The following SURF2 variants were observed in gnomAD, a reference collection of about 807,000 sequenced individuals.
The protein encoded by SURF2 is surfeit locus protein 2.
Under a neutral mutation model 26.2 loss-of-function variants are expected in SURF2, and 32 were observed. The ratio of observed to expected loss-of-function variants is 1.22; its 90% CI spans 0.92 to 1.64. The LOEUF is 1.64. Among genes scored for constraint, SURF2 ranks in the 40% most tolerant of loss-of-function variants. SURF2 has a pLI of 0.00. For synonymous variants in SURF2, 173 were observed against 139.1 expected (o/e 1.24, Z -1.71); for missense variants, 415 against 341.6 (o/e 1.21, Z -1.69).
At chr9:133,357,164 T>A in intron 2 of SURF2, 96 bp downstream of exon 2, 1 of 1,372,004 alleles carries the variant, frequency 7.3e-7, no homozygotes. Context: ...CTTTCAGAGT[T>A]GGGAGCCCTG....
Position 133,356,847 on chromosome 9 carries a change from G to A in SURF2, c.79-67G>A, listed in dbSNP as rs1836613204. 6 of 1,474,448 alleles carry A rather than the reference G, an allele frequency of 4.1e-6. 1 individual carries two copies. The highest frequency in any genetic ancestry group is 5.4e-6 in the Non-Finnish European group (6 of 1,111,522). 91.3% of individuals were successfully genotyped at this position (1,474,448 alleles called of 1,614,324 possible). ...AGGGGAGGAGAGGGAAGGGGGCGCG[G>A]CAGGAGGGGGCACCAGGGAGCGGAG... On this transcript the variant is annotated intron_variant, in intron 1 of 5. Coordinates refer to ENST00000371964, the MANE Select transcript of SURF2 (RefSeq NM_017503.5).
rs1455145410 is a variant in SURF2 at position 133,356,723 on chromosome 9, A to C, written c.78+53A>C. 12 of 1,057,842 alleles carry C rather than the reference A, an allele frequency of 1.1e-5. No individual in the cohort carries two copies. The Admixed American group carries it at 2.9e-4, about 26-fold the overall frequency. The allele number at this position is 1,057,842 out of a possible 1,614,324, so 65.5% of individuals were successfully genotyped here. On this transcript the variant is annotated intron_variant, in intron 1 of 5. Coordinates refer to ENST00000371964, the MANE Select transcript of SURF2 (RefSeq NM_017503.5). ...GGCGGAGAAGGGCGCAGTTGGGATG[A>C]GGGGCTGAGGGGAGGGCAGGGGAGA...
At chr9:133,357,230 T>C in intron 2 of SURF2, 162 bp downstream of exon 2, 1 of 850,138 alleles carries the variant, frequency 1.2e-6, no homozygotes, top group East Asian at 3.1e-5. Context: ...CGGCGAGGCC[T>C]CTTGGTGAGC....
At position 133,361,124 on chromosome 9, in the gene SURF2, TA is replaced by T; in HGVS notation, c.759del (p.Lys253AsnfsTer?). On this transcript the variant is annotated frameshift_variant, in exon 6 of 6. Coordinates refer to ENST00000371964, the MANE Select transcript of SURF2 (RefSeq NM_017503.5). LOFTEE classifies it high-confidence loss of function. The stretch of plus-strand genomic sequence containing the variant: ...GCAAACCCAAGAGCTTCAGCTCCTG[TA>T]AACAGCCAGGTTAATAAAAGCACAT... ...HRKPKSFSSC[K>X]QPG The T allele has an allele frequency of 6.2e-7, 1 of 1,614,176 alleles. No homozygotes were observed. The highest frequency in any genetic ancestry group is 8.5e-7 in the Non-Finnish European group (1 of 1,180,006).
chr9:133,357,229 C>T (rs993980525), intron 2 of SURF2, 161 bp downstream of exon 2: 9 of 873,440 alleles, frequency 1.0e-5, no homozygotes, highest in African/African-American at 3.5e-5. Context: ...GCGGCGAGGC[C>T]TCTTGGTGAG....
chr9:133,357,140 C>T, intron 2 of SURF2, 72 bp downstream of exon 2: 1 of 1,417,298 alleles, frequency 7.1e-7, no homozygotes, highest in South Asian at 1.5e-5. Context: ...TCCGCCAGTG[C>T]TGCAGCCCCT....
At chr9:133,360,996 A>G in intron 5 of SURF2, 60 bp from the exon 6 acceptor site, 2 of 1,580,664 alleles carry the variant, frequency 1.3e-6, no homozygotes, top group Non-Finnish European at 1.7e-6. Flanking sequence ...CCTGCACTCC[A>G]GGGCCCCTTC....
chr9:133,359,489 G>A (rs1836695186), intron 3 of SURF2, among the ~76,000 whole-genome samples: 1 of 152,210 alleles, frequency 6.6e-6, no homozygotes, highest in South Asian at 2.1e-4. Context: ...CCACTAAGGG[G>A]CAGCAAAGGC....
intron 3 of SURF2, among the ~76,000 whole-genome samples, chr9:133,358,383 G>A (rs1298354447): frequency 1.3e-5 from 2 of 152,154 alleles, no homozygotes; most frequent in African/African-American, 4.8e-5. Flanking sequence ...CTCCTTGACT[G>A]CGGTCATCCA....
intron 4 of SURF2, 24 bp from the exon 5 acceptor site, chr9:133,360,241 A>G (rs2130049182): frequency 6.2e-7 from 1 of 1,610,006 alleles, no homozygotes; most frequent in African/African-American, 1.3e-5. Context: ...AATAACTGTC[A>G]GCCAATCCCT....
In SURF2 at chr9:133,356,584, G is replaced by A. The variant is rs1013407746; in HGVS notation, c.-9G>A. Reference sequence around the variant, plus strand: ...GCTTCCGCCGGGCTGCTCCGCGGGCGCGTCGGCCATGAGCGAGTTGCCGGG... The same window carrying A: ...GCTTCCGCCGGGCTGCTCCGCGGGCACGTCGGCCATGAGCGAGTTGCCGGG... On this transcript the variant is annotated 5_prime_UTR_variant, in exon 1 of 6. Coordinates refer to ENST00000371964, the MANE Select transcript of SURF2 (RefSeq NM_017503.5). 17 of 1,517,280 alleles carry A rather than the reference G, an allele frequency of 1.1e-5. No individual in the cohort carries two copies. The East Asian group carries it at 1.6e-4, about 14-fold the overall frequency. 94.0% of individuals were successfully genotyped at this position (1,517,280 alleles called of 1,614,324 possible).
chr9:133,357,039 G>A lies in SURF2; in HGVS notation c.204G>A (p.Glu68=). The change falls in exon 2 of 6, where the codon GAG becomes GAA. Residue 68 remains glutamate, a synonymous_variant. Coordinates refer to ENST00000371964, the MANE Select transcript of SURF2 (RefSeq NM_017503.5). The stretch of plus-strand genomic sequence containing the variant: ...CGGCCTTCGACTATGCAGAGTTCGA[G>A]CCGCACATCGTGCCCAGCACCAAGA... ...ASPAFDYAEF[E]PHIVPSTKNP... is the part of the protein sequence containing the mutation. 1 of 1,579,044 alleles carries A rather than the reference G, an allele frequency of 6.3e-7. No homozygotes were observed. Among genetic ancestry groups the A allele is most frequent in the African/African-American group, 1.3e-5 (1 of 74,522 alleles).
intron 1 of SURF2, 31 bp from the exon 2 acceptor site, chr9:133,356,883 C>T: frequency 6.5e-7 from 1 of 1,527,310 alleles, no homozygotes; most frequent in Non-Finnish European, 8.8e-7. Flanking sequence ...CCCTGGCCCT[C>T]CTGACGTCCT....
At chr9:133,357,865 G>A (rs2130037443) in intron 3 of SURF2, 51 bp downstream of exon 3, 33 of 1,563,526 alleles carry the variant, frequency 2.1e-5, no homozygotes, top group East Asian at 4.6e-5. Flanking sequence ...GTGCATGCCC[G>A]CCTTGCCCCA....
At position 133,356,559 on chromosome 9, in the gene SURF2, G is replaced by A. The variant is rs1179982151; in HGVS notation, c.-34G>A. 3.3e-6 allele frequency: 5 copies of A among 1,504,556 alleles called. No homozygotes were observed. The Admixed American group carries it at 8.4e-5, about 25-fold the overall frequency. The allele number at this position is 1,504,556 out of a possible 1,614,324, so 93.2% of individuals were successfully genotyped here. On this transcript the variant is annotated 5_prime_UTR_variant, in exon 1 of 6. Transcript: ENST00000371964. ...CCCCCGGCTCCAGGTTCTGCGAGCG[G>A]CTTCCGCCGGGCTGCTCCGCGGGCG...
Position 133,359,858 on chromosome 9 carries a change from C to T in SURF2, c.338-92C>T, listed in dbSNP as rs1032847045. 5 of 1,424,140 alleles carry T rather than the reference C, an allele frequency of 3.5e-6. No individual in the cohort carries two copies. The Admixed American group carries it at 1.2e-4, about 35-fold the overall frequency. 88.2% of individuals were successfully genotyped at this position (1,424,140 alleles called of 1,614,324 possible). On this transcript the variant is annotated intron_variant, in intron 3 of 5. Transcript: ENST00000371964. ...TGTCCAGGGCGGTGGGGCTGTGGGG[C>T]CCTGGCCGAGTGCAGTCCTCATAAG... is the stretch of plus-strand genomic sequence containing the variant.
rs1188355651 is a variant in SURF2 at position 133,361,149 on chromosome 9, A to G, written c.*10A>G. The G allele has an allele frequency of 1.2e-6, 2 of 1,613,848 alleles. No homozygotes were observed. The highest frequency in any genetic ancestry group is 1.7e-6 in the Non-Finnish European group (2 of 1,179,862). On this transcript the variant is annotated 3_prime_UTR_variant, in exon 6 of 6. Transcript: ENST00000371964. Reference sequence around the variant, plus strand: ...TAAACAGCCAGGTTAATAAAAGCACATGCCGTGAAGTTTCGAGAAAGCCTT... The same window carrying G: ...TAAACAGCCAGGTTAATAAAAGCACGTGCCGTGAAGTTTCGAGAAAGCCTT...
chr9:133,356,978 G>C lies in SURF2; in HGVS notation c.143G>C (p.Arg48Pro). 1 of 1,571,540 alleles carries C rather than the reference G, an allele frequency of 6.4e-7. No homozygotes were observed. The highest frequency in any genetic ancestry group is 1.3e-5 in the African/African-American group (1 of 74,236). Residue 48 changes from arginine to proline, a missense_variant, in exon 2 of 6, where the codon CGC (arginine) becomes CCC (proline). Arg to Pro is a moderately radical substitution (Grantham distance 103). Transcript: ENST00000371964. ...CRLPELQVYTRGKKYQRLVRA... is the reference protein window; with the variant it reads ...CRLPELQVYTPGKKYQRLVRA... Reference sequence around the variant, plus strand: ...CTGCCGGAGCTCCAGGTCTACACCCGCGGCAAAAAGTACCAGCGGCTGGTC... The same window carrying C: ...CTGCCGGAGCTCCAGGTCTACACCCCCGGCAAAAAGTACCAGCGGCTGGTC...
At chr9:133,361,013 G>A (rs2130056256) in intron 5 of SURF2, 43 bp from the exon 6 acceptor site, 3 of 1,608,148 alleles carry the variant, frequency 1.9e-6, no homozygotes, top group Admixed American at 1.7e-5. Context: ...CTTCTCCATG[G>A]GATCAGAAAG....
Sources: allele counts gnomAD v4.1 joint callset (sites outside exome capture counted in the v4.1 genomes callset), GRCh38; gene constraint gnomAD v4.1.1; transcripts MANE v1.5; gene names NCBI Gene and HGNC (gene_info 2026-07-23, HGNC 2026-07-21).